The following RGS12 variants were observed in gnomAD, a reference collection of about 807,000 sequenced individuals.
RGS12 encodes regulator of G-protein signaling 12.
Under a neutral mutation model 120.1 loss-of-function variants are expected in RGS12, and 66 were observed. The observed-to-expected ratio is 0.55, with a 90% CI of 0.45 to 0.67. The LOEUF (loss-of-function observed/expected upper bound fraction) is 0.67, where lower values mean the gene tolerates loss of function less well. Among genes scored for constraint, RGS12 ranks in the 30% least tolerant of loss-of-function variants. The pLI is 0.00. For synonymous variants in RGS12, 827 were observed against 804.7 expected, an observed-to-expected ratio of 1.03 and a Z score of -0.47; for missense variants, 1,859 against 1,957.7, an observed-to-expected ratio of 0.95 and a Z score of 0.95.
At chr4:3,388,451 G>T (rs1399481153) in intron 4 of RGS12, among the ~76,000 whole-genome samples, 1 of 152,242 alleles carries the variant, frequency 6.6e-6, no homozygotes, top group Non-Finnish European at 1.5e-5. Flanking sequence ...TTCTGCCGTT[G>T]TTAGATGTAG....
intron 17 of RGS12, 42 bp from the exon 18 acceptor site, chr4:3,439,413 G>T: frequency 6.2e-7 from 1 of 1,602,818 alleles, no homozygotes; most frequent in South Asian, 1.1e-5. Flanking sequence ...GGGGCCCAGG[G>T]CCGGGCCAGG....
chr4:3,439,818 C>T lies in RGS12; in HGVS notation c.*134C>T, dbSNP rs771109535. The T allele has an allele frequency of 6.1e-6, 5 of 821,246 alleles. No homozygotes were observed. Among genetic ancestry groups the T allele is most frequent in the Middle Eastern group, 3.7e-4 (1 of 2,708 alleles). The allele number at this position is 821,246 out of a possible 1,614,324, so 50.9% of individuals were successfully genotyped here. ...CAGCCAGGAGGGCAGGGGGTGACCT[C>T]GCTGGAGGCACTGGCCCCGGACATT... On this transcript the variant is annotated 3_prime_UTR_variant, in exon 18 of 18. Transcript: ENST00000336727.
chr4:3,370,091 T>G, intron 3 of RGS12: 1 of 1,329,894 alleles, frequency 7.5e-7, no homozygotes, highest in Non-Finnish European at 9.7e-7. Context: ...ACAATTGAGA[T>G]AGAGTCTGAA....
At chr4:3,401,600 G>A (rs1000908233) in intron 4 of RGS12, among the ~76,000 whole-genome samples, 6 of 152,200 alleles carry the variant, frequency 3.9e-5, no homozygotes, top group East Asian at 1.9e-4. Context: ...GTTTTACAGC[G>A]GGGGGAGTGT....
At chr4:3,327,333 A>G (rs554016248) in intron 2 of RGS12, among the ~76,000 whole-genome samples, 108 of 152,336 alleles carry the variant, frequency 7.1e-4, no homozygotes, top group African/African-American at 2.4e-3. Flanking sequence ...CTATAAAAAT[A>G]CTAGAAGAAA....
intron 2 of RGS12, among the ~76,000 whole-genome samples, chr4:3,322,719 G>A (rs751911277): frequency 6.6e-6 from 1 of 152,164 alleles, no homozygotes; most frequent in East Asian, 1.9e-4. Context: ...ATTGATTGGT[G>A]TAATTTTGAA....
chr4:3,363,986 G>T (rs906959139), intron 3 of RGS12, among the ~76,000 whole-genome samples: 5 of 152,200 alleles, frequency 3.3e-5, no homozygotes, highest in African/African-American at 1.2e-4. Flanking sequence ...GGCACTGGGA[G>T]TCTGGGACTC....
At chr4:3,432,263 C>T in intron 17 of RGS12, 1 of 782,368 alleles carries the variant, frequency 1.3e-6, no homozygotes, top group Non-Finnish European at 1.6e-6. Context: ...GGAAATATCA[C>T]ACATTTTTAG....
chr4:3,353,282 T>C (rs977560233), intron 3 of RGS12, among the ~76,000 whole-genome samples: 3 of 152,178 alleles, frequency 2.0e-5, no homozygotes, highest in Non-Finnish European at 4.4e-5. Context: ...GAGTTTCATC[T>C]TTCTGATAGG....
rs1029264810 is a variant in RGS12, at chr4:3,439,596, C to T, written c.4256C>T (p.Pro1419Leu). Residue 1419 changes from proline to leucine, a missense_variant, in exon 18 of 18, where the codon CCT becomes CTT. By Grantham distance (98) the Pro-to-Leu change is moderately conservative. Around this residue, in one of 3 missense-constraint regions of RGS12, gnomAD observed 517 missense variants for 488.5 expected, o/e 1.06. Coordinates refer to ENST00000336727, the MANE Select transcript of RGS12 (RefSeq NM_001394154.1). ...GGGAGGTCGCAGGCCAGTGGTGGGC[C>T]TCCTACATCAGACCTCCCTGGCTTG... Reference protein sequence around the residue: ...GPGRSQASGGPPTSDLPGLGP... With the variant: ...GPGRSQASGGLPTSDLPGLGP... The T allele has an allele frequency of 6.2e-7, 1 of 1,609,738 alleles. No homozygotes were observed. Among genetic ancestry groups the T allele is most frequent in the Non-Finnish European group, 8.5e-7 (1 of 1,178,202 alleles).
chr4:3,405,669 C>T lies in RGS12; in HGVS notation c.2021-8403C>T, dbSNP rs147992604. ...CACCTTCTTAGGAAATCTACACTGA[C>T]GTGTTTAGGGGCAAAGAGGCATGCT... On this transcript the variant is annotated intron_variant, in intron 4 of 17. Coordinates refer to ENST00000336727, the MANE Select transcript of RGS12 (RefSeq NM_001394154.1). 2.6e-5 allele frequency among the ~76,000 whole-genome samples: 4 copies of T among 152,250 alleles called. No individual in the cohort carries two copies. In the East Asian group the frequency reaches 7.7e-4, roughly 29 times the overall value.
chr4:3,295,622 T>G (rs1192471567), intron 1 of RGS12, among the ~76,000 whole-genome samples: 1 of 144,642 alleles, frequency 6.9e-6, no homozygotes, highest in Non-Finnish European at 1.5e-5. Context: ...ATTGCGCCAT[T>G]GCACTCCAGC....
At chr4:3,383,764 G>A (rs184559179) in intron 3 of RGS12, among the ~76,000 whole-genome samples, 6 of 152,262 alleles carry the variant, frequency 3.9e-5, no homozygotes, top group African/African-American at 7.2e-5. Flanking sequence ...CTAGCCCTAC[G>A]TGCCCGCAGC....
At chr4:3,368,073 C>CCCAGGCTGCCTT (rs996570371) in intron 3 of RGS12, among the ~76,000 whole-genome samples, 1 of 152,226 alleles carries the variant, frequency 6.6e-6, no homozygotes, top group African/African-American at 2.4e-5. Context: ...CCCACGCATG[C>CCCAGGCTGCCTT]CCAGGCTGCC....
intron 3 of RGS12, among the ~76,000 whole-genome samples, chr4:3,353,761 G>A (rs1307720357): frequency 6.6e-6 from 1 of 152,148 alleles, no homozygotes; most frequent in African/African-American, 2.4e-5. Context: ...TGGATCTGTT[G>A]TGAGCTAGAC....
chr4:3,418,423 A>C (rs1233899926), intron 9 of RGS12: 3 of 152,292 alleles, frequency 2.0e-5, no homozygotes, highest in South Asian at 2.1e-4. Context: ...GTCCTGCCTG[A>C]AGGCAGGGGA....
At position 3,433,042 on chromosome 4, in the gene RGS12, G is replaced by C. The variant is rs1350690261; in HGVS notation, c.4114+2087G>C. On this transcript the variant is annotated intron_variant, in intron 17 of 17. Transcript: ENST00000336727. This position sits in a 1 kb window ranked among gnomAD's most constrained non-coding sequence, Gnocchi z 4.4. ...CTAATGGGATTCTCTGTATTGGAGA[G>C]TTCACCTGCCCATGGCGGCAAAGGA... Among the ~76,000 whole-genome samples the C allele has an allele frequency of 6.6e-6, 1 of 152,254 alleles. No individual in the cohort carries two copies. The highest frequency in any genetic ancestry group is 1.9e-4 in the East Asian group (1 of 5,200).
At chr4:3,340,783 A>G (rs1025075368) in intron 2 of RGS12, among the ~76,000 whole-genome samples, 15 of 75,640 alleles carry the variant, frequency 2.0e-4, no homozygotes, top group South Asian at 5.2e-4. Context: ...GGTGCAGGCC[A>G]GTGCAGTCCG....
rs76931156 is a variant in RGS12 at position 3,342,665 on chromosome 4, T to C, written c.1882-272T>C. The C allele has an allele frequency of 4.4e-5, 49 of 1,103,446 alleles. No homozygotes were observed. The African/African-American group carries it at 7.5e-4, about 17-fold the overall frequency. 68.4% of individuals were successfully genotyped at this position (1,103,446 alleles called of 1,614,324 possible). A position where few individuals can be genotyped will look rare whatever the true frequency, so the allele number is the denominator to read the frequency against. ...TGTGGGTGGGCTGCCGTCATCCTGTTCTGTGTTTACAGAGGTGGAGGCTTT... is the reference window on the plus strand; with the variant it reads ...TGTGGGTGGGCTGCCGTCATCCTGTCCTGTGTTTACAGAGGTGGAGGCTTT... On this transcript the variant is annotated intron_variant, in intron 2 of 17. Coordinates refer to ENST00000336727, the MANE Select transcript of RGS12 (RefSeq NM_001394154.1).
Sources: gnomAD v4.1 joint callset for allele counts (sites outside exome capture counted in the v4.1 genomes callset) on GRCh38, gnomAD v4.1.1 for gene constraint, gnomAD v4.1.1 regional missense constraint, Gnocchi (gnomAD v3.1) non-coding constraint, MANE v1.5 for transcripts, NCBI Gene and HGNC (gene_info 2026-07-23, HGNC 2026-07-21) for gene names.